Variants in RIMS3 observed in about 807,000 individuals in gnomAD.
The protein encoded by RIMS3 is regulating synaptic membrane exocytosis 3.
A neutral mutation model predicts 29.2 loss-of-function variants in RIMS3; 15 were observed. The ratio of observed to expected loss-of-function variants is 0.51; its 90% CI spans 0.34 to 0.79. RIMS3 has a LOEUF of 0.79. Ranked by LOEUF, RIMS3 falls within the 30% of genes least tolerant of loss-of-function variation. The pLI, the probability that RIMS3 is intolerant of heterozygous loss-of-function variation, is 0.01. For synonymous variants in RIMS3, 161 were observed against 170.1 expected, an observed-to-expected ratio of 0.95 and a Z score of 0.41; for missense variants, 342 against 421.4, an observed-to-expected ratio of 0.81 and a Z score of 1.65.
the RIMS3 span, among the ~76,000 whole-genome samples, chr1:40,671,762 T>C: frequency 3.8e-4 from 57 of 149,350 alleles, no homozygotes; most frequent in South Asian, 1.1e-3. Flanking sequence ...CTTTTCTTTT[T>C]TTTTTTTTTT....
upstream of RIMS3, among the ~76,000 whole-genome samples, chr1:40,668,861 G>A (rs1642458789): frequency 6.6e-6 from 1 of 152,310 alleles, no homozygotes; most frequent in East Asian, 1.9e-4. Context: ...TCCAAGCCGA[G>A]ACGGGGACGA....
At chr1:40,674,334 A>T in the RIMS3 span, among the ~76,000 whole-genome samples, 1,482 of 152,324 alleles carry the variant, frequency 9.7e-3, 12 homozygotes, top group Non-Finnish European at 0.013. Flanking sequence ...TGCCTCACTC[A>T]CATTCACTTT....
chr1:40,664,717 C>A (rs1451782941), intron 1 of RIMS3, among the ~76,000 whole-genome samples: 3 of 152,202 alleles, frequency 2.0e-5, no homozygotes, highest in South Asian at 2.1e-4. Context: ...GCTGAGTTGT[C>A]CAGAGGTGAT....
chr1:40,669,685 A>T (rs981821127), upstream of RIMS3: 5 of 152,256 alleles, frequency 3.3e-5, no homozygotes, highest in Admixed American at 6.5e-5. Context: ...AGGAGCAGTG[A>T]TCTATATGCT....
the RIMS3 span, among the ~76,000 whole-genome samples, chr1:40,684,471 C>G: frequency 6.6e-6 from 1 of 152,168 alleles, no homozygotes; most frequent in Admixed American, 6.5e-5. Flanking sequence ...ATGTGCCCAT[C>G]TCTTCAAAAA....
At position 40,633,154 on chromosome 1, in the gene RIMS3, C is replaced by T; in HGVS notation, c.387G>A (p.Gly129=). 6.2e-7 allele frequency: 1 copy of T among 1,614,046 alleles called. No homozygotes were observed. The highest frequency in any genetic ancestry group is 8.5e-7 in the Non-Finnish European group (1 of 1,179,946). ...GGAAATCGCTGAACTGGCTTTCAGC[C>T]CCTAGCCGGGTAGTGGGGAAGATGA... is the stretch of plus-strand genomic sequence containing the variant. The part of the protein sequence containing the change: ...GTFIFPTTRL[G]AESQFSDFLD... The change falls in exon 5 of 8, where the codon GGG becomes GGA. Residue 129 remains glycine (G), a synonymous_variant. Coordinates refer to ENST00000372684, the MANE Select transcript of RIMS3 (RefSeq NM_014747.3).
chr1:40,628,742 T>A, intron 7 of RIMS3, 68 bp downstream of exon 7: 1 of 1,604,938 alleles, frequency 6.2e-7, no homozygotes, highest in Non-Finnish European at 8.5e-7. Flanking sequence ...GAATCATAAA[T>A]GAAAAACTTT....
At chr1:40,659,549 C>T (rs1384206223) in intron 1 of RIMS3, among the ~76,000 whole-genome samples, 1 of 152,186 alleles carries the variant, frequency 6.6e-6, no homozygotes, top group Non-Finnish European at 1.5e-5. Context: ...TGTGTACCTA[C>T]TATGTGCCGG....
intron 1 of RIMS3, among the ~76,000 whole-genome samples, chr1:40,650,855 G>T: frequency 1.1e-5 from 1 of 91,132 alleles, no homozygotes; most frequent in Non-Finnish European, 1.9e-5. Context: ...GACAGAGCCA[G>T]ACTCTGTCAA....
Position 40,641,853 on chromosome 1 carries a change from C to T in RIMS3, c.73G>A (p.Gly25Ser), listed in dbSNP as rs201310388. ...RNVVRSSSIS[G>S]EICGSQQAGG... ...GCTTGCTGGGATCCGCAGATTTCAC[C>T]GCTAATGCTGGAGCTCCGCACCACA... Residue 25 changes from glycine (G) to serine (S), a missense_variant, in exon 3 of 8, where the codon GGT becomes AGT. Gly to Ser is a moderately conservative substitution (Grantham distance 56). Coordinates refer to ENST00000372684, the MANE Select transcript of RIMS3 (RefSeq NM_014747.3). 1.2e-5 allele frequency: 19 copies of T among 1,613,546 alleles called. No individual in the cohort carries two copies. In the East Asian group the frequency reaches 1.6e-4, roughly 13 times the overall value.
At chr1:40,687,014 A>AT in the RIMS3 span, among the ~76,000 whole-genome samples, 1 of 151,902 alleles carries the variant, frequency 6.6e-6, no homozygotes, top group Non-Finnish European at 1.5e-5. Context: ...TCAAAAAAAA[A>AT]AAAAAATTAA....
chr1:40,659,636 A>T (rs1214514343), intron 1 of RIMS3, among the ~76,000 whole-genome samples: 1 of 152,158 alleles, frequency 6.6e-6, no homozygotes, highest in Non-Finnish European at 1.5e-5. Context: ...AAGCGATTTG[A>T]GTGTGCTGAA....
At chr1:40,689,579 C>T in the RIMS3 span, among the ~76,000 whole-genome samples, 5 of 152,038 alleles carry the variant, frequency 3.3e-5, no homozygotes, top group South Asian at 2.1e-4. Context: ...CGTGCCCGGC[C>T]GGTTCATGCC....
intron 2 of RIMS3, among the ~76,000 whole-genome samples, chr1:40,647,171 G>A (rs1189682802): frequency 3.9e-5 from 6 of 152,086 alleles, no homozygotes; most frequent in East Asian, 1.9e-4. Context: ...GAGCTACCGC[G>A]CCCGGCCCAG....
chr1:40,643,118 CCTCTCTTTT>C (rs1388835110), intron 2 of RIMS3, among the ~76,000 whole-genome samples: 1 of 151,942 alleles, frequency 6.6e-6, no homozygotes, highest in African/African-American at 2.4e-5. Flanking sequence ...TTCTCTCTTT[CCTCTCTTTT>C]ATTTGTATTT....
chr1:40,641,929 C>A lies in RIMS3; in HGVS notation c.-4G>T. ...GACCTGGCTCCCCGTTAAACATGGT[C>A]CCCGGGGTGGCAGGGCCTCAGGCAG... On this transcript the variant is annotated 5_prime_UTR_variant, in exon 3 of 8. Coordinates refer to ENST00000372684, the MANE Select transcript of RIMS3 (RefSeq NM_014747.3). 1 of 1,612,454 alleles carries A rather than the reference C, an allele frequency of 6.2e-7. No individual in the cohort carries two copies.
In RIMS3 at chr1:40,653,024, G is replaced by A. The variant is rs138861017; in HGVS notation, c.-206-5182C>T. ...TTTACAGGAAGGATGGGGGTGAGAG[G>A]TGCCATCAGCAGAGCTTGAGGTCCT... On this transcript the variant is annotated intron_variant, in intron 1 of 7. Coordinates refer to ENST00000372684, the MANE Select transcript of RIMS3 (RefSeq NM_014747.3). Among the ~76,000 whole-genome samples the A allele has an allele frequency of 1.2e-3, 179 of 152,222 alleles. 3 individuals carry two copies. Among genetic ancestry groups the A allele is most frequent in the African/African-American group, 4.2e-3 (174 of 41,530 alleles).
chr1:40,669,939 A>G (rs1642470897), upstream of RIMS3, among the ~76,000 whole-genome samples: 1 of 151,974 alleles, frequency 6.6e-6, no homozygotes, highest in South Asian at 2.1e-4. Flanking sequence ...TATCCACTTA[A>G]TTATCAGAGC....
chr1:40,633,007 G>A, intron 5 of RIMS3, 62 bp downstream of exon 5: 1 of 1,323,472 alleles, frequency 7.6e-7, no homozygotes, highest in South Asian at 1.2e-5. Flanking sequence ...CCCCCACTGA[G>A]CTCACCCTTC....
Sources: allele counts gnomAD v4.1 joint callset (sites outside exome capture counted in the v4.1 genomes callset), GRCh38; gene constraint gnomAD v4.1.1; transcripts MANE v1.5; gene names NCBI Gene and HGNC (gene_info 2026-07-23, HGNC 2026-07-21).